Variants in NCKAP5 observed in about 807,000 individuals in gnomAD.
NCKAP5 encodes NCK associated protein 5.
A neutral mutation model predicts 167.0 loss-of-function variants in NCKAP5; 92 were observed. That is an observed-to-expected ratio of 0.55 (90% confidence interval 0.47 to 0.66). NCKAP5 has a LOEUF of 0.66. Ranked by LOEUF, NCKAP5 falls within the 30% of genes least tolerant of loss-of-function variation. NCKAP5 has a pLI of 0.00. For synonymous variants in NCKAP5, 891 were observed against 877.4 expected (o/e 1.02, Z -0.27); for missense variants, 2,378 against 2,315.0 (o/e 1.03, Z -0.56).
intron 8 of NCKAP5, chr2:132,954,812 G>A (rs1301933494): frequency 2.5e-6 from 1 of 406,510 alleles, no homozygotes; most frequent in Admixed American, 3.0e-5. Flanking sequence ...TCTGTAATGT[G>A]ACTATTTACT....
intron 5 of NCKAP5, among the ~76,000 whole-genome samples, chr2:133,194,960 T>G (rs556690122): frequency 1.3e-5 from 2 of 152,030 alleles, no homozygotes; most frequent in Non-Finnish European, 2.9e-5. Flanking sequence ...TCACCAAGAC[T>G]CCTCAGAACT....
chr2:132,716,676 G>T (rs1296286213), intron 19 of NCKAP5, among the ~76,000 whole-genome samples: 2 of 152,034 alleles, frequency 1.3e-5, no homozygotes, highest in Admixed American at 6.6e-5. Flanking sequence ...GTCTCATTAG[G>T]GTCCCCAGGC....
At chr2:132,764,947 T>C (rs974791571) in intron 16 of NCKAP5, among the ~76,000 whole-genome samples, 1 of 152,224 alleles carries the variant, frequency 6.6e-6, no homozygotes, top group African/African-American at 2.4e-5. Context: ...TTGGTAATAT[T>C]CTTGAAATGA....
the NCKAP5 span, among the ~76,000 whole-genome samples, chr2:133,577,290 T>C: frequency 1.2e-4 from 19 of 152,124 alleles, no homozygotes; most frequent in Non-Finnish European, 2.2e-4. Flanking sequence ...GGTGAGGTTG[T>C]GGGTAGAATG....
At chr2:133,162,896 C>T (rs1464756883) in intron 5 of NCKAP5, among the ~76,000 whole-genome samples, 1 of 151,942 alleles carries the variant, frequency 6.6e-6, no homozygotes, top group Non-Finnish European at 1.5e-5. Flanking sequence ...TTATTTTTTT[C>T]CATGTGAGAA....
intron 6 of NCKAP5, among the ~76,000 whole-genome samples, chr2:133,101,543 T>C (rs1413066917): frequency 1.3e-5 from 2 of 150,538 alleles, no homozygotes; most frequent in Middle Eastern, 3.2e-3. Context: ...GAGCATGGAA[T>C]GTTCTTCCAT....
chr2:133,273,427 A>G (rs2089599148), intron 4 of NCKAP5, among the ~76,000 whole-genome samples: 1 of 152,064 alleles, frequency 6.6e-6, no homozygotes, highest in African/African-American at 2.4e-5. Flanking sequence ...TCATTACCCA[A>G]TCTTCACAAA....
At chr2:133,674,830 G>C in the NCKAP5 span, among the ~76,000 whole-genome samples, 1 of 152,136 alleles carries the variant, frequency 6.6e-6, no homozygotes, top group East Asian at 1.9e-4. Flanking sequence ...CCCAGGCCGG[G>C]TTTAACAAAC....
chr2:133,607,566 G>A, the NCKAP5 span, among the ~76,000 whole-genome samples: 5 of 152,154 alleles, frequency 3.3e-5, no homozygotes, highest in Non-Finnish European at 2.9e-5. Context: ...AGAGACTGAG[G>A]AAGAGAGACT....
chr2:133,631,041 T>C, the NCKAP5 span, among the ~76,000 whole-genome samples: 2 of 152,226 alleles, frequency 1.3e-5, no homozygotes, highest in Non-Finnish European at 2.9e-5. Context: ...AATGGTTAAT[T>C]AGATTAACAA....
At chr2:132,711,599 G>C (rs1244740216) in intron 19 of NCKAP5, among the ~76,000 whole-genome samples, 1 of 152,064 alleles carries the variant, frequency 6.6e-6, no homozygotes, top group Non-Finnish European at 1.5e-5. Context: ...ACTGAGTTAC[G>C]TATCAAAGGA....
At chr2:133,308,119 C>T (rs372739857) in intron 3 of NCKAP5, among the ~76,000 whole-genome samples, 61 of 116,300 alleles carry the variant, frequency 5.2e-4, no homozygotes, top group East Asian at 5.0e-3. Context: ...GACGGAGTCT[C>T]GCTCTGTCGC....
chr2:132,694,677 T>C (rs1399120373), intron 19 of NCKAP5, among the ~76,000 whole-genome samples: 2 of 152,166 alleles, frequency 1.3e-5, no homozygotes. Context: ...AAACAAATAA[T>C]TGAGTTACTG....
chr2:132,732,074 G>A (rs1691074307), intron 16 of NCKAP5, 23 bp from the exon 17 acceptor site: 1 of 1,584,500 alleles, frequency 6.3e-7, no homozygotes, highest in Non-Finnish European at 8.6e-7. Flanking sequence ...GACAGAGAGA[G>A]AAGGGAATAG....
chr2:133,509,929 C>T (rs1384165809), intron 3 of NCKAP5, among the ~76,000 whole-genome samples: 5 of 152,052 alleles, frequency 3.3e-5, no homozygotes, highest in African/African-American at 1.2e-4. Context: ...CATAAGAACT[C>T]CGGAACATGT....
In NCKAP5 at chr2:133,393,460, C is replaced by G. The variant is rs1393826132; in HGVS notation, c.70-90350G>C. Among the ~76,000 whole-genome samples, 3 of 152,286 alleles carry G rather than the reference C, an allele frequency of 2.0e-5. No individual in the cohort carries two copies. The East Asian group carries it at 5.8e-4, about 29-fold the overall frequency. On this transcript the variant is annotated intron_variant, in intron 3 of 19. Transcript: ENST00000409261. ...CAGAGAATCACTGAAGTGTGAGCAA[C>G]AGTTAATAAAAAATTCTTGCAGTTT...
intron 2 of NCKAP5, among the ~76,000 whole-genome samples, chr2:133,545,232 T>C (rs1056965652): frequency 3.9e-5 from 6 of 152,160 alleles, no homozygotes; most frequent in African/African-American, 1.4e-4. Flanking sequence ...TATTAAACTT[T>C]TTGCTCATGC....
intron 8 of NCKAP5, among the ~76,000 whole-genome samples, chr2:132,914,778 C>T (rs58379322): frequency 0.028 from 4,243 of 152,074 alleles, 175 homozygotes; most frequent in East Asian, 0.17. Flanking sequence ...TGATGGGTCA[C>T]TGAGACGTGA....
chr2:133,609,551 C>T, the NCKAP5 span, among the ~76,000 whole-genome samples: 1 of 152,012 alleles, frequency 6.6e-6, no homozygotes, highest in Non-Finnish European at 1.5e-5. Context: ...CCCGATGCTC[C>T]CCTTTGCCTC....
Sources: gnomAD v4.1 joint callset for allele counts (sites outside exome capture counted in the v4.1 genomes callset) on GRCh38, gnomAD v4.1.1 for gene constraint, MANE v1.5 for transcripts, NCBI Gene and HGNC (gene_info 2026-07-23, HGNC 2026-07-21) for gene names.